DACH1: variants seen among roughly 807,000 people sequenced by gnomAD.
The protein encoded by DACH1 is dachshund homolog 1.
A neutral mutation model predicts 54.2 loss-of-function variants in DACH1; 12 were observed. The ratio of observed to expected loss-of-function variants is 0.22; its 90% confidence interval spans 0.14 to 0.36. DACH1 has a LOEUF of 0.36. Ranked by LOEUF, DACH1 falls within the 10% of genes least tolerant of loss-of-function variation. The pLI, the probability that DACH1 is intolerant of heterozygous loss-of-function variation, is 1.00. For synonymous variants in DACH1, 386 were observed against 366.2 expected (o/e 1.05, Z -0.62); for missense variants, 805 against 929.8 (o/e 0.87, Z 1.75).
At chr13:71,626,382 C>A (rs1876646711) in intron 3 of DACH1, among the ~76,000 whole-genome samples, 1 of 151,816 alleles carries the variant, frequency 6.6e-6, no homozygotes, top group Admixed American at 6.6e-5. Context: ...AAAGGATAAA[C>A]AGATTAAAAC....
intron 1 of DACH1, among the ~76,000 whole-genome samples, chr13:71,760,564 A>G (rs1177126665): frequency 6.6e-6 from 1 of 152,186 alleles, no homozygotes; most frequent in Non-Finnish European, 1.5e-5. Flanking sequence ...ACCCAATCTA[A>G]TGAAGCAAGA....
At chr13:71,777,765 TG>T (rs2138053489) in intron 1 of DACH1, among the ~76,000 whole-genome samples, 1 of 152,246 alleles carries the variant, frequency 6.6e-6, no homozygotes, top group African/African-American at 2.4e-5. Context: ...TAAGTATTTA[TG>T]TGTAATATTC....
At position 71,630,682 on chromosome 13, in the gene DACH1, T is replaced by C; in HGVS notation, c.1000A>G (p.Thr334Ala). 6.2e-7 allele frequency: 1 copy of C among 1,603,776 alleles called. No homozygotes were observed. The highest frequency in any genetic ancestry group is 8.5e-7 in the Non-Finnish European group (1 of 1,176,796). Residue 334 changes from threonine (T) to alanine (A), a missense_variant, in exon 3 of 11, where the codon ACC becomes GCC. Coordinates refer to ENST00000613252, the MANE Select transcript of DACH1 (RefSeq NM_080759.6). ...ATTGCTTCAGCAATAGCTGCATTGG[T>C]AGCAGCAGCAGCTGCTGCAGCGGCT... Reference protein sequence around the residue: ...TAAAAAAAAATNAAIAEAMKV... With the variant: ...TAAAAAAAAAANAAIAEAMKV...
chr13:71,588,407 G>A (rs1035422630), intron 3 of DACH1, among the ~76,000 whole-genome samples: 1 of 151,936 alleles, frequency 6.6e-6, no homozygotes, highest in Admixed American at 6.6e-5. Flanking sequence ...AAACTCCTCT[G>A]GGAGGTAAAA....
intron 3 of DACH1, among the ~76,000 whole-genome samples, chr13:71,610,096 G>GAA (rs554449080): frequency 1.4e-3 from 202 of 148,836 alleles, no homozygotes; most frequent in African/African-American, 4.8e-3. Flanking sequence ...TACACTGATA[G>GAA]AAAAAAAAAA....
chr13:71,791,688 T>C (rs1204632994), intron 1 of DACH1, among the ~76,000 whole-genome samples: 1 of 152,118 alleles, frequency 6.6e-6, no homozygotes, highest in East Asian at 1.9e-4. Flanking sequence ...CTGGCCTGAG[T>C]GTGGAACTAT....
chr13:71,822,618 T>C (rs1301159828), intron 1 of DACH1, among the ~76,000 whole-genome samples: 1 of 152,226 alleles, frequency 6.6e-6, no homozygotes, highest in Non-Finnish European at 1.5e-5. Flanking sequence ...AGCTCTATTT[T>C]AGTTTTGGAA....
At chr13:71,800,862 A>G (rs1887262936) in intron 1 of DACH1, among the ~76,000 whole-genome samples, 1 of 129,874 alleles carries the variant, frequency 7.7e-6, no homozygotes, top group African/African-American at 3.0e-5. Flanking sequence ...CCTTTGAAAA[A>G]AAATCTCTGC....
intron 10 of DACH1, among the ~76,000 whole-genome samples, chr13:71,456,411 T>C (rs1471603218): frequency 2.0e-5 from 3 of 152,034 alleles, no homozygotes; most frequent in Non-Finnish European, 2.9e-5. Flanking sequence ...TATTTTCCCA[T>C]CACTAGTGAT....
At chr13:71,833,699 C>G (rs1158092985) in intron 1 of DACH1, among the ~76,000 whole-genome samples, 4 of 151,912 alleles carry the variant, frequency 2.6e-5, no homozygotes, top group African/African-American at 9.7e-5. Flanking sequence ...TAACTAAGAG[C>G]AGTGAGAGAC....
At chr13:71,862,285 C>G (rs572677967) in intron 1 of DACH1, among the ~76,000 whole-genome samples, 1 of 152,002 alleles carries the variant, frequency 6.6e-6, no homozygotes, top group East Asian at 1.9e-4. Context: ...GAATCCTAAC[C>G]CAAATCTACA....
intron 4 of DACH1, among the ~76,000 whole-genome samples, chr13:71,565,613 G>A (rs1884851771): frequency 6.6e-6 from 1 of 151,972 alleles, no homozygotes; most frequent in Non-Finnish European, 1.5e-5. Flanking sequence ...CCTAGTTGAG[G>A]ACCAGGCAGC....
chr13:71,853,921 C>T (rs1240709749), intron 1 of DACH1, among the ~76,000 whole-genome samples: 1 of 152,054 alleles, frequency 6.6e-6, no homozygotes, highest in African/African-American at 2.4e-5. Context: ...GACATGGTTG[C>T]TGGGTGACCG....
chr13:71,577,471 T>C (rs529088274), intron 3 of DACH1, among the ~76,000 whole-genome samples: 17 of 152,288 alleles, frequency 1.1e-4, no homozygotes, highest in African/African-American at 3.9e-4. Context: ...ATGAGTGTGG[T>C]CCATTCTTAG....
chr13:71,457,410 T>G (rs1875668223), intron 10 of DACH1, among the ~76,000 whole-genome samples: 1 of 152,030 alleles, frequency 6.6e-6, no homozygotes, highest in African/African-American at 2.4e-5. Context: ...CTATGTATTT[T>G]TATCATTCAC....
At chr13:71,813,106 AT>A (rs1212747291) in intron 1 of DACH1, among the ~76,000 whole-genome samples, 1 of 152,196 alleles carries the variant, frequency 6.6e-6, no homozygotes, top group Non-Finnish European at 1.5e-5. Context: ...AATGGACTTT[AT>A]TCATTGAAAA....
At chr13:71,670,605 T>C (rs1880150828) in intron 2 of DACH1, among the ~76,000 whole-genome samples, 1 of 152,110 alleles carries the variant, frequency 6.6e-6, no homozygotes. Flanking sequence ...TATGTGAATA[T>C]GAATAGCTTG....
chr13:71,633,919 A>G (rs1170493001), intron 2 of DACH1, among the ~76,000 whole-genome samples: 2 of 150,536 alleles, frequency 1.3e-5, no homozygotes, highest in African/African-American at 4.9e-5. Flanking sequence ...CTTACTATCC[A>G]TGTCATAGTC....
intron 6 of DACH1, among the ~76,000 whole-genome samples, chr13:71,521,331 T>C (rs1019540110): frequency 1.3e-5 from 2 of 152,144 alleles, no homozygotes; most frequent in African/African-American, 4.8e-5. Flanking sequence ...GTCCCCTTTA[T>C]AATAGGTTAT....
Sources: allele counts gnomAD v4.1 joint callset (sites outside exome capture counted in the v4.1 genomes callset), GRCh38; gene constraint gnomAD v4.1.1; transcripts MANE v1.5; gene names NCBI Gene and HGNC (gene_info 2026-07-23, HGNC 2026-07-21).